UGT1A5: variants seen among roughly 807,000 people sequenced by gnomAD.
The protein encoded by UGT1A5 is UDP-glucuronosyltransferase 1A5.
UGT1A5 carries 29 observed loss-of-function variants against 40.3 expected under a neutral mutation model. The ratio of observed to expected loss-of-function variants is 0.72; its 90% CI spans 0.54 to 0.98. The LOEUF (loss-of-function observed/expected upper bound fraction) is 0.98. UGT1A5 is among the 50% of genes least tolerant of loss of function. UGT1A5 has a pLI of 0.00. For synonymous variants in UGT1A5, 257 were observed against 262.5 expected (o/e 0.98, Z 0.20); for missense variants, 678 against 677.9 (o/e 1.00, Z 0.00).
At chr2:233,767,675 CA>C (rs1699446425) in intron 2 of UGT1A5, among the ~76,000 whole-genome samples, 173 bp from the exon 3 acceptor site, 1 of 152,180 alleles carries the variant, frequency 6.6e-6, no homozygotes, top group Non-Finnish European at 1.5e-5. Flanking sequence ...ACTAAACCTC[CA>C]AAACAAGATG....
intron 4 of UGT1A5, chr2:233,771,391 T>C (rs562546600): frequency 6.6e-6 from 1 of 152,294 alleles, no homozygotes; most frequent in East Asian, 1.9e-4. Flanking sequence ...GATGTTCTGA[T>C]TGGGCAATGA....
intron 1 of UGT1A5, among the ~76,000 whole-genome samples, chr2:233,762,146 C>G (rs541150164): frequency 2.2e-4 from 33 of 152,272 alleles, no homozygotes; most frequent in Admixed American, 4.6e-4. Context: ...TGTGACTTTG[C>G]ATTAATCACA....
Position 233,725,630 on chromosome 2 carries a change from A to G in UGT1A5, c.867+11772A>G, listed in dbSNP as rs544565548. ...TCTTGCTAAGTCTTCAAAATCTAGCATATATCTGACATTTACAGCATATCT... is the reference window on the plus strand; with the variant it reads ...TCTTGCTAAGTCTTCAAAATCTAGCGTATATCTGACATTTACAGCATATCT... On this transcript the variant is annotated intron_variant, in intron 1 of 4. Transcript: ENST00000373414. 6.6e-5 allele frequency among the ~76,000 whole-genome samples: 10 copies of G among 152,292 alleles called. No individual in the cohort carries two copies. The South Asian group carries it at 1.5e-3, about 22-fold the overall frequency.
chr2:233,758,519 G>T (rs1221365461), intron 1 of UGT1A5, among the ~76,000 whole-genome samples: 1 of 152,226 alleles, frequency 6.6e-6, no homozygotes. Context: ...ACAACAAAGA[G>T]TGAAAGCATT....
chr2:233,743,881 C>T (rs755016650), intron 1 of UGT1A5: 6 of 1,366,984 alleles, frequency 4.4e-6, no homozygotes, highest in Middle Eastern at 4.2e-4. Flanking sequence ...ATGAGGCCTG[C>T]CGGGGCACGT....
chr2:233,721,895 C>T lies in UGT1A5; in HGVS notation c.867+8037C>T, dbSNP rs564941516. On this transcript the variant is annotated intron_variant, in intron 1 of 4. Transcript: ENST00000373414. ...CTTGCCAGCCCCTCCATTGCAATAT[C>T]GAAATGGTGCACACTGCTTCCATAA... 5.1e-5 allele frequency: 24 copies of T among 474,852 alleles called. 1 individual carries two copies. Among genetic ancestry groups the T allele is most frequent in the Non-Finnish European group, 8.4e-5 (20 of 237,474 alleles). The allele number at this position is 474,852 out of a possible 1,614,324, so 29.4% of individuals were successfully genotyped here.
intron 1 of UGT1A5, chr2:233,719,233 T>C: frequency 1.2e-6 from 2 of 1,614,226 alleles, no homozygotes; most frequent in Non-Finnish European, 1.7e-6. Context: ...GAGGCCCTGA[T>C]CAGGCACCTG....
chr2:233,768,117 TGTGA>T, intron 3 of UGT1A5, 99 bp from the exon 4 acceptor site: 1 of 1,600,038 alleles, frequency 6.2e-7, no homozygotes, highest in Non-Finnish European at 8.5e-7. Flanking sequence ...TGCAAGGGCA[TGTGA>T]GTAACACTGA....
intron 1 of UGT1A5, among the ~76,000 whole-genome samples, chr2:233,721,302 G>A (rs541150498): frequency 1.8e-4 from 27 of 152,234 alleles, no homozygotes; most frequent in African/African-American, 6.5e-4. Flanking sequence ...CATTTGAATA[G>A]TGATTGTGGC....
chr2:233,714,121 CTGTT>C (rs2076367442), intron 1 of UGT1A5, among the ~76,000 whole-genome samples: 1 of 152,078 alleles, frequency 6.6e-6, no homozygotes, highest in African/African-American at 2.4e-5. Flanking sequence ...CTCACGGAGA[CTGTT>C]CGTTTGTAAA....
intron 1 of UGT1A5, among the ~76,000 whole-genome samples, chr2:233,731,871 C>T (rs542174312): frequency 1.3e-5 from 2 of 152,330 alleles, no homozygotes; most frequent in South Asian, 4.1e-4. Flanking sequence ...CTGTCTTCCA[C>T]AATGGTTGAA....
Position 233,756,787 on chromosome 2 carries a change from G to A in UGT1A5, c.868-10247G>A, listed in dbSNP as rs1029492896. Among the ~76,000 whole-genome samples the A allele has an allele frequency of 9.9e-5, 15 of 151,900 alleles. No individual in the cohort carries two copies. The East Asian group carries it at 1.2e-3, about 12-fold the overall frequency. On this transcript the variant is annotated intron_variant, in intron 1 of 4. Coordinates refer to ENST00000373414, the MANE Select transcript of UGT1A5 (RefSeq NM_019078.2). ...GGATTCTTTGCTTTGATAAATTGTG[G>A]GGCAATACACTAGTAAAGGTCACTC... is the stretch of plus-strand genomic sequence containing the variant.
In UGT1A5 at chr2:233,713,305, A is replaced by G; in HGVS notation, c.314A>G (p.His105Arg). 1.9e-6 allele frequency: 3 copies of G among 1,614,274 alleles called. No homozygotes were observed. The highest frequency in any genetic ancestry group is 2.5e-6 in the Non-Finnish European group (3 of 1,180,048). Residue 105 changes from histidine (H) to arginine (R), a missense_variant, in exon 1 of 5, where the codon CAT becomes CGT. Physicochemically the swap from His to Arg is conservative, Grantham distance 29 (BLOSUM62 0). Coordinates refer to ENST00000373414, the MANE Select transcript of UGT1A5 (RefSeq NM_019078.2). ...GHTQSFFETE[H>R]LLMKFSRRMA... ...ACTCAATCGTTCTTTGAAACAGAACATCTTCTGATGAAATTTTCTAGAAGA... is the reference window on the plus strand; with the variant it reads ...ACTCAATCGTTCTTTGAAACAGAACGTCTTCTGATGAAATTTTCTAGAAGA...
At chr2:233,724,348 C>A (rs1263010840) in intron 1 of UGT1A5, among the ~76,000 whole-genome samples, 27 of 144,638 alleles carry the variant, frequency 1.9e-4, no homozygotes, top group Non-Finnish European at 2.3e-4. Context: ...TGACCCCCCC[C>A]ACCTCCCTCC....
chr2:233,744,585 T>G (rs560652902), intron 1 of UGT1A5, among the ~76,000 whole-genome samples: 1 of 151,910 alleles, frequency 6.6e-6, no homozygotes, highest in Non-Finnish European at 1.5e-5. Context: ...CGTTTTACAG[T>G]TTTTGCATCT....
intron 1 of UGT1A5, chr2:233,755,543 A>C (rs1450453289): frequency 6.3e-6 from 1 of 158,400 alleles, no homozygotes; most frequent in African/African-American, 2.4e-5. Flanking sequence ...CATGGTCTCC[A>C]AAAAGGATGG....
intron 1 of UGT1A5, chr2:233,729,089 G>T (rs373016756): frequency 1.2e-6 from 2 of 1,612,560 alleles, no homozygotes; most frequent in Non-Finnish European, 1.7e-6. Flanking sequence ...CAGGCACAGC[G>T]TGGGGTGGAC....
chr2:233,743,581 A>C lies in UGT1A5; in HGVS notation c.868-23453A>C, dbSNP rs28900376. 32 of 1,367,320 alleles carry C rather than the reference A, an allele frequency of 2.3e-5. No individual in the cohort carries two copies. The East Asian group carries it at 4.1e-4, about 17-fold the overall frequency. 84.7% of individuals were successfully genotyped at this position (1,367,320 alleles called of 1,614,324 possible). Reference sequence around the variant, plus strand: ...TCTCCAGCGGGTTTCCCAAGAGGTCAAAGGAGAATGGGTCCTGGCCGCCGA... The same window carrying C: ...TCTCCAGCGGGTTTCCCAAGAGGTCCAAGGAGAATGGGTCCTGGCCGCCGA... On this transcript the variant is annotated intron_variant, in intron 1 of 4. Transcript: ENST00000373414.
chr2:233,739,738 C>G (rs1691193557), intron 1 of UGT1A5, among the ~76,000 whole-genome samples: 1 of 152,084 alleles, frequency 6.6e-6, no homozygotes, highest in Non-Finnish European at 1.5e-5. Flanking sequence ...TCAGATGAGA[C>G]CTTGGACTAT....
Sources: gnomAD v4.1 joint callset for allele counts (sites outside exome capture counted in the v4.1 genomes callset) on GRCh38, gnomAD v4.1.1 for gene constraint, MANE v1.5 for transcripts, NCBI Gene and HGNC (gene_info 2026-07-23, HGNC 2026-07-21) for gene names.